PCDH9: variants seen among roughly 807,000 people sequenced by gnomAD.
PCDH9 encodes protocadherin 9.
PCDH9 carries 24 observed loss-of-function variants against 70.6 expected under a neutral mutation model. The ratio of observed to expected loss-of-function variants is 0.34; its 90% CI spans 0.25 to 0.48. The LOEUF is 0.48. PCDH9 is among the 20% of genes least tolerant of loss of function. PCDH9 has a pLI of 0.99. For missense variants in PCDH9, 1,281 were observed against 1,503.6 expected (o/e 0.85, Z 2.45); for synonymous variants, 562 against 558.5 (o/e 1.01, Z -0.09).
chr13:66,810,840 T>C (rs1331844178), intron 3 of PCDH9, among the ~76,000 whole-genome samples: 1 of 151,652 alleles, frequency 6.6e-6, no homozygotes, highest in Non-Finnish European at 1.5e-5. Context: ...TGTGTGTACA[T>C]ATATATATAA....
At chr13:67,056,168 A>T (rs972004716) in intron 2 of PCDH9, among the ~76,000 whole-genome samples, 1 of 152,146 alleles carries the variant, frequency 6.6e-6, no homozygotes, top group Non-Finnish European at 1.5e-5. Context: ...TAATGTACTA[A>T]ATGAGGCCAG....
At chr13:67,164,785 T>C (rs1163430012) in intron 2 of PCDH9, among the ~76,000 whole-genome samples, 2 of 152,106 alleles carry the variant, frequency 1.3e-5, no homozygotes, top group African/African-American at 4.8e-5. Context: ...ATCCTGATTA[T>C]GGTTTATTTA....
intron 3 of PCDH9, among the ~76,000 whole-genome samples, chr13:66,707,965 CTT>C (rs1183927875): frequency 6.6e-6 from 1 of 152,196 alleles, no homozygotes; most frequent in Non-Finnish European, 1.5e-5. Context: ...GTAGATTTCT[CTT>C]TACCTTTTTT....
chr13:67,073,772 G>C (rs1272561696), intron 2 of PCDH9, among the ~76,000 whole-genome samples: 2 of 151,832 alleles, frequency 1.3e-5, no homozygotes, highest in Non-Finnish European at 2.9e-5. Context: ...CTTTCATTTT[G>C]TATGATACTT....
Position 67,228,495 on chromosome 13 carries a change from G to A in PCDH9, c.-55C>T. 1 of 1,433,780 alleles carries A rather than the reference G, an allele frequency of 7.0e-7. No individual in the cohort carries two copies. The highest frequency in any genetic ancestry group is 9.4e-7 in the Non-Finnish European group (1 of 1,064,224). The allele number at this position is 1,433,780 out of a possible 1,614,324, so 88.8% of individuals were successfully genotyped here. A position where few individuals can be genotyped will look rare whatever the true frequency, so the allele number is the denominator to read the frequency against. ...TTTAGGGTTTAAAGGTTTCCACTGA[G>A]GAATGATGCACAAATTGCAAGAGGA... On this transcript the variant is annotated 5_prime_UTR_variant, in exon 2 of 5. Transcript: ENST00000377865.
At chr13:66,799,265 G>T (rs1422986499) in intron 3 of PCDH9, among the ~76,000 whole-genome samples, 1 of 152,152 alleles carries the variant, frequency 6.6e-6, no homozygotes, top group Non-Finnish European at 1.5e-5. Flanking sequence ...AGTCTATGCG[G>T]TCAAGTGGTC....
intron 3 of PCDH9, among the ~76,000 whole-genome samples, chr13:66,884,774 T>C (rs193028470): frequency 1.3e-3 from 198 of 152,290 alleles, no homozygotes; most frequent in African/African-American, 4.6e-3. Flanking sequence ...TTAAGTTTTA[T>C]CTTCTTTTTC....
chr13:66,329,713 T>TAGA (rs762326008), intron 4 of PCDH9, among the ~76,000 whole-genome samples: 28 of 152,328 alleles, frequency 1.8e-4, no homozygotes, highest in Admixed American at 3.3e-4. Context: ...AATAGACTAA[T>TAGA]GTGTGCTTGT....
intron 2 of PCDH9, among the ~76,000 whole-genome samples, chr13:66,938,038 G>A (rs757929300): frequency 6.6e-6 from 1 of 152,132 alleles, no homozygotes; most frequent in Non-Finnish European, 1.5e-5. Flanking sequence ...ACTGTGCGTG[G>A]ATTACACCAC....
At chr13:66,762,932 C>T (rs190095694) in intron 3 of PCDH9, among the ~76,000 whole-genome samples, 6 of 151,618 alleles carry the variant, frequency 4.0e-5, no homozygotes, top group Admixed American at 3.3e-4. Flanking sequence ...TCAAAGCAAG[C>T]GTATGGTAAA....
At chr13:67,041,834 A>C (rs2139908929) in intron 2 of PCDH9, among the ~76,000 whole-genome samples, 1 of 150,070 alleles carries the variant, frequency 6.7e-6, no homozygotes, top group East Asian at 1.9e-4. Flanking sequence ...CTGTCTCAAA[A>C]AAAAAAAAAA....
chr13:66,572,292 T>C (rs1232328069), intron 4 of PCDH9, among the ~76,000 whole-genome samples: 1 of 152,150 alleles, frequency 6.6e-6, no homozygotes, highest in Non-Finnish European at 1.5e-5. Flanking sequence ...TACCCTACTA[T>C]GTGTGCTAGC....
At chr13:66,560,122 G>A (rs1015801600) in intron 4 of PCDH9, among the ~76,000 whole-genome samples, 1 of 151,990 alleles carries the variant, frequency 6.6e-6, no homozygotes, top group Non-Finnish European at 1.5e-5. Flanking sequence ...AGAAGAATGA[G>A]CCTTCAACCC....
chr13:66,834,514 T>G (rs1029876769), intron 3 of PCDH9, among the ~76,000 whole-genome samples: 1 of 152,204 alleles, frequency 6.6e-6, no homozygotes, highest in Non-Finnish European at 1.5e-5. Context: ...TTACTATTTA[T>G]AGATATCTTA....
At chr13:66,523,996 T>C (rs2138616437) in intron 4 of PCDH9, among the ~76,000 whole-genome samples, 1 of 152,188 alleles carries the variant, frequency 6.6e-6, no homozygotes, top group Non-Finnish European at 1.5e-5. Flanking sequence ...TCGCTCATTA[T>C]GAGGCGGTGC....
intron 4 of PCDH9, among the ~76,000 whole-genome samples, chr13:66,462,794 G>A (rs1309063089): frequency 2.0e-5 from 3 of 151,728 alleles, no homozygotes; most frequent in East Asian, 1.9e-4. Context: ...TCCCCAAAGC[G>A]TGCTCATTAT....
intron 2 of PCDH9, among the ~76,000 whole-genome samples, chr13:67,131,441 T>A (rs1030607392): frequency 2.0e-5 from 3 of 152,206 alleles, no homozygotes; most frequent in African/African-American, 7.2e-5. Context: ...ACATCTTTCC[T>A]AAACTTAAAA....
intron 3 of PCDH9, among the ~76,000 whole-genome samples, chr13:66,769,437 G>A (rs2079769257): frequency 6.6e-6 from 1 of 151,762 alleles, no homozygotes; most frequent in Admixed American, 6.6e-5. Flanking sequence ...TTAATATTTG[G>A]GAAAGCGATA....
At chr13:66,859,094 T>C (rs1256829968) in intron 3 of PCDH9, 1 of 152,214 alleles carries the variant, frequency 6.6e-6, no homozygotes, top group Admixed American at 6.5e-5. Flanking sequence ...TCTCTGTCCA[T>C]GTTACCCTCC....
Sources: gnomAD v4.1 joint callset for allele counts (sites outside exome capture counted in the v4.1 genomes callset) on GRCh38, gnomAD v4.1.1 for gene constraint, MANE v1.5 for transcripts, NCBI Gene and HGNC (gene_info 2026-07-23, HGNC 2026-07-21) for gene names.